DRC5: variants seen among roughly 807,000 people sequenced by gnomAD.
DRC5 encodes T-complex-associated testis-expressed protein 1.
the DRC5 span, chr6:44,287,638 C>T: frequency 2.7e-4 from 430 of 1,614,098 alleles, no homozygotes; most frequent in Non-Finnish European, 3.4e-4. Flanking sequence ...AGCAATGATC[C>T]GGCGCATCCG....
chr6:44,290,875 C>T, the DRC5 span, among the ~76,000 whole-genome samples: 3 of 152,296 alleles, frequency 2.0e-5, no homozygotes, highest in South Asian at 6.2e-4. Context: ...GAAACCCCAC[C>T]TGGGGCCAGG....
At chr6:44,285,978 AT>A in the DRC5 span, 1 of 1,613,560 alleles carries the variant, frequency 6.2e-7, no homozygotes, top group South Asian at 1.1e-5. Flanking sequence ...AGGGTGTGGC[AT>A]GCCTTGATGG....
chr6:44,295,746 G>T, the DRC5 span, among the ~76,000 whole-genome samples: 1 of 152,164 alleles, frequency 6.6e-6, no homozygotes. Flanking sequence ...TAAGTACTCA[G>T]GAGTTGTGCT....
the DRC5 span, among the ~76,000 whole-genome samples, chr6:44,292,957 T>TTCTAATAAGTCCCC: frequency 6.6e-6 from 1 of 152,198 alleles, no homozygotes; most frequent in Non-Finnish European, 1.5e-5. Flanking sequence ...CTTGGCAGCC[T>TTCTAATAAGTCCCC]TCTAATAAGT....
At chr6:44,283,724 G>A in the DRC5 span, among the ~76,000 whole-genome samples, 1 of 152,176 alleles carries the variant, frequency 6.6e-6, no homozygotes, top group African/African-American at 2.4e-5. Context: ...TGCTATCACC[G>A]GAAACACCAA....
the DRC5 span, among the ~76,000 whole-genome samples, chr6:44,285,638 T>C: frequency 6.6e-6 from 1 of 152,242 alleles, no homozygotes; most frequent in African/African-American, 2.4e-5. Flanking sequence ...ATATGATTGC[T>C]GATTAGTGCC....
the DRC5 span, chr6:44,286,641 C>T: frequency 1.0e-6 from 1 of 960,380 alleles, no homozygotes; most frequent in Non-Finnish European, 1.6e-6. Flanking sequence ...AGAGACCCTT[C>T]CCTGCTTAGG....
chr6:44,292,642 G>C, the DRC5 span, among the ~76,000 whole-genome samples: 1 of 152,206 alleles, frequency 6.6e-6, no homozygotes, highest in Admixed American at 6.5e-5. Flanking sequence ...CTATTGGTCA[G>C]GGCAACTTGT....
the DRC5 span, chr6:44,287,146 A>C: frequency 5.6e-5 from 54 of 968,778 alleles, no homozygotes; most frequent in Non-Finnish European, 6.6e-5. Flanking sequence ...GGAAAGGATC[A>C]ATATTACAGA....
the DRC5 span, chr6:44,287,712 T>C: frequency 1.9e-6 from 3 of 1,614,176 alleles, no homozygotes; most frequent in South Asian, 2.2e-5. Flanking sequence ...TTGAAGGCTT[T>C]GAGAGCTGTG....
chr6:44,286,185 C>A, the DRC5 span: 2 of 1,611,932 alleles, frequency 1.2e-6, no homozygotes, highest in Non-Finnish European at 1.7e-6. Context: ...GACTGGTCGC[C>A]CGGCCGGAGC....
At chr6:44,287,781 G>A in the DRC5 span, 1 of 1,614,110 alleles carries the variant, frequency 6.2e-7, no homozygotes, top group South Asian at 1.1e-5. Context: ...AGACTGAGGA[G>A]TGGCTGGGGT....
At chr6:44,288,713 G>C in the DRC5 span, among the ~76,000 whole-genome samples, 1 of 152,092 alleles carries the variant, frequency 6.6e-6, no homozygotes, top group Non-Finnish European at 1.5e-5. Context: ...GAGAAACAAG[G>C]CTGGGCGTGG....
the DRC5 span, chr6:44,286,461 G>A: frequency 6.2e-7 from 1 of 1,614,210 alleles, no homozygotes; most frequent in Non-Finnish European, 8.5e-7. Context: ...ACAGCCAGTG[G>A]TAGGTCAGGG....
chr6:44,285,970 G>T, the DRC5 span: 3 of 1,612,922 alleles, frequency 1.9e-6, no homozygotes, highest in South Asian at 2.2e-5. Context: ...GTACCTTGAG[G>T]GTGTGGCATG....
At chr6:44,295,400 G>A in the DRC5 span, among the ~76,000 whole-genome samples, 34 of 152,252 alleles carry the variant, frequency 2.2e-4, no homozygotes, top group South Asian at 5.4e-3. Flanking sequence ...TGGGACCACA[G>A]TCCCCAGGGA....
chr6:44,285,339 C>T, the DRC5 span, among the ~76,000 whole-genome samples: 15 of 152,150 alleles, frequency 9.9e-5, no homozygotes, highest in African/African-American at 2.7e-4. Context: ...TAAATAAGAA[C>T]GCCCCATGGA....
chr6:44,287,050 G>T, the DRC5 span: 1 of 286,044 alleles, frequency 3.5e-6, no homozygotes, highest in Non-Finnish European at 5.2e-6. Flanking sequence ...GAGTGAGACT[G>T]GGTGATGATA....
At chr6:44,291,281 T>G in the DRC5 span, among the ~76,000 whole-genome samples, 2 of 152,192 alleles carry the variant, frequency 1.3e-5, no homozygotes, top group African/African-American at 4.8e-5. Context: ...AAAATGGATA[T>G]CACAAAAATA....
Sources: allele counts gnomAD v4.1 joint callset (sites outside exome capture counted in the v4.1 genomes callset), GRCh38; gene constraint gnomAD v4.1.1; transcripts MANE v1.5; gene names NCBI Gene and HGNC (gene_info 2026-07-23, HGNC 2026-07-21).